PXDNL: variants seen among roughly 807,000 people sequenced by gnomAD.
PXDNL encodes probable oxidoreductase PXDNL.
Under a neutral mutation model 150.8 loss-of-function variants are expected in PXDNL, and 145 were observed. The ratio of observed to expected loss-of-function variants is 0.96; its 90% confidence interval spans 0.84 to 1.10. The LOEUF is 1.10. Ranked by LOEUF, PXDNL falls within the 50% of genes least tolerant of loss-of-function variation. The pLI is 0.00. For synonymous variants in PXDNL, 757 were observed against 725.7 expected (o/e 1.04, Z -0.69); for missense variants, 2,087 against 1,873.9 (o/e 1.11, Z -2.10).
At chr8:51,373,482 A>G (rs1413531386) in intron 18 of PXDNL, among the ~76,000 whole-genome samples, 1 of 152,230 alleles carries the variant, frequency 6.6e-6, no homozygotes, top group Non-Finnish European at 1.5e-5. Flanking sequence ...GACTACATAT[A>G]TTTTTAAACT....
At chr8:51,665,252 C>T (rs961323816) in intron 1 of PXDNL, among the ~76,000 whole-genome samples, 7 of 152,164 alleles carry the variant, frequency 4.6e-5, no homozygotes, top group African/African-American at 9.7e-5. Context: ...GCCAGGAAAG[C>T]GAACCCGCGG....
intron 20 of PXDNL, among the ~76,000 whole-genome samples, chr8:51,343,183 C>T (rs533205414): frequency 1.3e-5 from 2 of 151,982 alleles, no homozygotes; most frequent in Non-Finnish European, 1.5e-5. Context: ...GTGACCAAGA[C>T]AGAAGAAAGA....
At chr8:51,590,965 C>T (rs931859356) in intron 3 of PXDNL, among the ~76,000 whole-genome samples, 1 of 152,126 alleles carries the variant, frequency 6.6e-6, no homozygotes, top group Non-Finnish European at 1.5e-5. Context: ...TGTTTGTTTC[C>T]TCTAAAACTC....
At chr8:51,355,563 C>T (rs908835946) in intron 19 of PXDNL, among the ~76,000 whole-genome samples, 1 of 152,162 alleles carries the variant, frequency 6.6e-6, no homozygotes, top group Non-Finnish European at 1.5e-5. Flanking sequence ...AACATCCCAC[C>T]TGCCTTAGGT....
At chr8:51,549,766 C>G (rs1812442241) in intron 4 of PXDNL, among the ~76,000 whole-genome samples, 1 of 151,944 alleles carries the variant, frequency 6.6e-6, no homozygotes, top group Non-Finnish European at 1.5e-5. Context: ...GCTCACATCT[C>G]AAGGAACTAG....
intron 1 of PXDNL, among the ~76,000 whole-genome samples, chr8:51,702,533 C>T (rs1274406783): frequency 6.6e-6 from 1 of 152,158 alleles, no homozygotes; most frequent in African/African-American, 2.4e-5. Flanking sequence ...CTTTTTCCAA[C>T]AATCCTGTTC....
At chr8:51,669,458 GCTTA>G (rs1269835004) in intron 1 of PXDNL, among the ~76,000 whole-genome samples, 1 of 152,122 alleles carries the variant, frequency 6.6e-6, no homozygotes, top group African/African-American at 2.4e-5. Context: ...AATTATAATT[GCTTA>G]CTTAGGTTTT....
At chr8:51,638,982 A>G (rs1235638403) in intron 2 of PXDNL, among the ~76,000 whole-genome samples, 1 of 152,210 alleles carries the variant, frequency 6.6e-6, no homozygotes, top group Non-Finnish European at 1.5e-5. Flanking sequence ...GTAAAAGAAC[A>G]GAAATTACAA....
chr8:51,611,985 T>G (rs978578825), intron 2 of PXDNL, among the ~76,000 whole-genome samples: 1 of 152,214 alleles, frequency 6.6e-6, no homozygotes, highest in Non-Finnish European at 1.5e-5. Context: ...CAGGCAGATC[T>G]GGAAAGACCT....
chr8:51,670,712 T>C (rs1214009374), intron 1 of PXDNL, among the ~76,000 whole-genome samples: 1 of 152,174 alleles, frequency 6.6e-6, no homozygotes, highest in Non-Finnish European at 1.5e-5. Context: ...AGTAGAAAGA[T>C]CACTAGATTT....
At chr8:51,320,338 C>T (rs1442941995) in intron 22 of PXDNL, among the ~76,000 whole-genome samples, 2 of 152,144 alleles carry the variant, frequency 1.3e-5, no homozygotes, top group Non-Finnish European at 1.5e-5. Flanking sequence ...AACTAAATAA[C>T]GAATACAGAG....
intron 4 of PXDNL, among the ~76,000 whole-genome samples, chr8:51,555,761 T>C (rs1812586506): frequency 6.6e-6 from 1 of 152,196 alleles, no homozygotes. Flanking sequence ...TTTTTAATTA[T>C]CTAATTAGTA....
intron 1 of PXDNL, among the ~76,000 whole-genome samples, chr8:51,692,818 A>G (rs74919280): frequency 0.061 from 9,364 of 152,302 alleles, 349 homozygotes; most frequent in African/African-American, 0.11. Context: ...ACAAACAAGT[A>G]AAAGTTCTCA....
chr8:51,574,242 T>C (rs1813004917), intron 3 of PXDNL, among the ~76,000 whole-genome samples: 1 of 151,838 alleles, frequency 6.6e-6, no homozygotes, highest in African/African-American at 2.4e-5. Flanking sequence ...ACAGAAACTT[T>C]AGAACTGAAA....
chr8:51,543,828 G>A (rs1317212735), intron 4 of PXDNL, among the ~76,000 whole-genome samples: 3 of 151,640 alleles, frequency 2.0e-5, no homozygotes, highest in Non-Finnish European at 4.4e-5. Context: ...TTTTACAAAA[G>A]AGATATTTGC....
chr8:51,570,402 A>G (rs570617322), intron 3 of PXDNL, among the ~76,000 whole-genome samples: 17 of 152,076 alleles, frequency 1.1e-4, no homozygotes, highest in East Asian at 3.9e-4. Context: ...ATTTATATCT[A>G]CCTGAGCAGT....
At chr8:51,575,451 T>G (rs1813031535) in intron 3 of PXDNL, among the ~76,000 whole-genome samples, 2 of 151,980 alleles carry the variant, frequency 1.3e-5, no homozygotes, top group African/African-American at 4.8e-5. Flanking sequence ...AAGACAAGGT[T>G]GCCCCTGAAT....
intron 21 of PXDNL, among the ~76,000 whole-genome samples, chr8:51,327,079 C>T (rs1239806761): frequency 6.6e-6 from 1 of 152,186 alleles, no homozygotes; most frequent in Non-Finnish European, 1.5e-5. Flanking sequence ...TCTCCTTCTG[C>T]AACAGGAAGG....
At chr8:51,738,090 C>A (rs1049810358) in intron 1 of PXDNL, among the ~76,000 whole-genome samples, 3 of 152,172 alleles carry the variant, frequency 2.0e-5, no homozygotes, top group African/African-American at 7.2e-5. Flanking sequence ...TAATGTGCAC[C>A]AATTGGACCC....
Sources: allele counts gnomAD v4.1 joint callset (sites outside exome capture counted in the v4.1 genomes callset), GRCh38; gene constraint gnomAD v4.1.1; transcripts MANE v1.5; gene names NCBI Gene and HGNC (gene_info 2026-07-23, HGNC 2026-07-21).